SORBS2: variants seen among roughly 807,000 people sequenced by gnomAD.
SORBS2 encodes the protein sorbin and SH3 domain containing 2.
A neutral mutation model predicts 97.7 loss-of-function variants in SORBS2; 46 were observed. The observed-to-expected ratio is 0.47, with a 90% CI of 0.37 to 0.60. The LOEUF (loss-of-function observed/expected upper bound fraction) is 0.60. Ranked by LOEUF, SORBS2 falls within the 20% of genes least tolerant of loss-of-function variation. The pLI, the probability that SORBS2 is intolerant of heterozygous loss-of-function variation, is 0.00. For synonymous variants in SORBS2, 476 were observed against 473.4 expected (o/e 1.01, Z -0.07); for missense variants, 1,316 against 1,282.3 (o/e 1.03, Z -0.40).
rs2098644469 is a variant in SORBS2 at position 185,732,003 on chromosome 4, T to TTTC, written c.-198+43223_-198+43224insGAA. Among the ~76,000 whole-genome samples, 3 of 151,018 alleles carry TTTC rather than the reference T, an allele frequency of 2.0e-5. No individual in the cohort carries two copies. In the East Asian group the frequency reaches 5.9e-4, roughly 30 times the overall value. ...CAAAATTATTATTGTAACTTGTGGA[T>TTTC]AATAAATTTCAAAATCTGATGTCTG... On this transcript the variant is annotated intron_variant, in intron 2 of 20. Transcript: ENST00000284776.
At chr4:185,883,933 T>C (rs1579316165) in intron 1 of SORBS2, among the ~76,000 whole-genome samples, 1 of 152,288 alleles carries the variant, frequency 6.6e-6, no homozygotes, top group East Asian at 1.9e-4. Context: ...GCGAAAGATA[T>C]CAGTCACGTA....
At chr4:185,942,638 C>T (rs939218837) in intron 1 of SORBS2, among the ~76,000 whole-genome samples, 3 of 152,166 alleles carry the variant, frequency 2.0e-5, no homozygotes, top group African/African-American at 7.2e-5. Context: ...CATGAGCCAC[C>T]GCGCATGGCC....
intron 1 of SORBS2, among the ~76,000 whole-genome samples, chr4:185,881,678 C>G (rs983743876): frequency 6.6e-6 from 1 of 152,036 alleles, no homozygotes; most frequent in African/African-American, 2.4e-5. Context: ...AATGGAGAAG[C>G]AGTGGTGAGA....
At chr4:185,602,170 C>A (rs564747447) in intron 12 of SORBS2, among the ~76,000 whole-genome samples, 1 of 152,060 alleles carries the variant, frequency 6.6e-6, no homozygotes, top group East Asian at 1.9e-4. Context: ...TCACCACGTC[C>A]GGCTAATTTT....
intron 4 of SORBS2, among the ~76,000 whole-genome samples, chr4:185,633,058 AC>A: frequency 6.6e-6 from 1 of 152,312 alleles, no homozygotes; most frequent in Admixed American, 6.5e-5. Context: ...TTATTTTAAC[AC>A]ACTTAGAAGG....
intron 1 of SORBS2, among the ~76,000 whole-genome samples, chr4:185,933,731 C>T (rs2099267547): frequency 6.6e-6 from 1 of 152,148 alleles, no homozygotes. Context: ...CTTACCTAAT[C>T]TGTTAATTTA....
At chr4:185,771,973 A>C (rs1336881832) in intron 2 of SORBS2, 1 of 152,178 alleles carries the variant, frequency 6.6e-6, no homozygotes, top group East Asian at 1.9e-4. Context: ...ATTATTTACT[A>C]TGCCTGGAAT....
chr4:185,743,187 AT>A (rs1328946276), intron 2 of SORBS2, among the ~76,000 whole-genome samples: 1 of 152,056 alleles, frequency 6.6e-6, no homozygotes, highest in African/African-American at 2.4e-5. Context: ...TCCATTTATT[AT>A]TTTTTCGTGG....
chr4:185,693,987 G>A (rs2153522190), intron 2 of SORBS2, among the ~76,000 whole-genome samples: 1 of 152,334 alleles, frequency 6.6e-6, no homozygotes, highest in African/African-American at 2.4e-5. Flanking sequence ...ATGTCAAAAT[G>A]TGAAATGACT....
chr4:185,638,963 C>G (rs1371478308), intron 4 of SORBS2: 1 of 1,522,896 alleles, frequency 6.6e-7, no homozygotes, highest in Non-Finnish European at 8.8e-7. Context: ...GTGACTTCTC[C>G]GAGTCGGGAG....
chr4:185,617,635 T>C (rs2096648918), intron 9 of SORBS2, among the ~76,000 whole-genome samples: 18 of 152,214 alleles, frequency 1.2e-4, no homozygotes, highest in Admixed American at 1.2e-3. Context: ...CTTAAAGGTC[T>C]GTGCACATAG....
Position 185,646,614 on chromosome 4 carries a change from G to T in SORBS2, c.396+54C>A, listed in dbSNP as rs1197304864. The T allele has an allele frequency of 1.0e-5, 11 of 1,069,010 alleles. No homozygotes were observed. In the Admixed American group the frequency reaches 2.1e-4, roughly 20 times the overall value. 66.2% of individuals were successfully genotyped at this position (1,069,010 alleles called of 1,614,324 possible). The stretch of plus-strand genomic sequence containing the variant: ...TGGGTCTGAAATTCAGGTTTATTGG[G>T]GAGCCCTGGGAGCCCAGCGAGCTGG... On this transcript the variant is annotated intron_variant, in intron 4 of 14. Transcript: ENST00000418609.
chr4:185,823,692 A>T (rs1234354928), intron 1 of SORBS2, among the ~76,000 whole-genome samples: 1 of 152,184 alleles, frequency 6.6e-6, no homozygotes, highest in African/African-American at 2.4e-5. Flanking sequence ...GAAACTTCTC[A>T]ATTTCCACGA....
intron 2 of SORBS2, among the ~76,000 whole-genome samples, chr4:185,689,756 TGA>T (rs2153516741): frequency 6.6e-6 from 1 of 152,316 alleles, no homozygotes; most frequent in South Asian, 2.1e-4. Context: ...CAGCTGGACA[TGA>T]GAGAATATCT....
intron 4 of SORBS2, among the ~76,000 whole-genome samples, chr4:185,668,290 A>C (rs2097650853): frequency 6.6e-6 from 1 of 152,204 alleles, no homozygotes; most frequent in Non-Finnish European, 1.5e-5. Flanking sequence ...TACCCATTCA[A>C]TTGTTCTTCC....
At position 185,686,147 on chromosome 4, in the gene SORBS2, TATA is replaced by T. The variant is rs928321012; in HGVS notation, c.-197-7328_-197-7326del. Among the ~76,000 whole-genome samples the T allele has an allele frequency of 2.6e-4, 40 of 152,310 alleles. No individual in the cohort carries two copies. The East Asian group carries it at 2.7e-3, about 10-fold the overall frequency. On this transcript the variant is annotated intron_variant, in intron 2 of 20. Transcript: ENST00000284776. The stretch of plus-strand genomic sequence containing the variant: ...TAAAAAAAGACAATATAACCACCGA[TATA>T]ATAATATAATCATTATATATTGTCA...
exon 12 of SORBS2, chr4:185,611,867 C>T (rs1160044047): frequency 6.2e-7 from 1 of 1,612,978 alleles, no homozygotes; most frequent in South Asian, 1.1e-5. Flanking sequence ...CTTTTGTGTT[C>T]TTCTTGACGA....
intron 1 of SORBS2, among the ~76,000 whole-genome samples, chr4:185,882,158 G>A (rs1470170269): frequency 6.6e-6 from 1 of 152,090 alleles, no homozygotes; most frequent in Non-Finnish European, 1.5e-5. Flanking sequence ...GAAGGAAAAG[G>A]TGTTCTATTC....
intron 2 of SORBS2, among the ~76,000 whole-genome samples, chr4:185,758,099 C>T (rs1415823230): frequency 1.3e-5 from 2 of 152,196 alleles, no homozygotes; most frequent in Admixed American, 1.3e-4. Flanking sequence ...ACTAGTGACA[C>T]AGTTAATGAG....
Sources: gnomAD v4.1 joint callset for allele counts (sites outside exome capture counted in the v4.1 genomes callset) on GRCh38, gnomAD v4.1.1 for gene constraint, MANE v1.5 for transcripts, NCBI Gene and HGNC (gene_info 2026-07-23, HGNC 2026-07-21) for gene names.